OR2T11: variants seen among roughly 807,000 people sequenced by gnomAD.
OR2T11 encodes olfactory receptor 2T11.
In OR2T11, 14 loss-of-function variants were observed where a neutral mutation model predicts 13.5. The observed-to-expected ratio is 1.04, with a 90% CI of 0.69 to 1.62. The LOEUF (loss-of-function observed/expected upper bound fraction) is 1.62, where lower values mean the gene tolerates loss of function less well. Among genes scored for constraint, OR2T11 ranks in the 40% most tolerant of loss-of-function variants. The pLI, the probability that OR2T11 is intolerant of heterozygous loss-of-function variation, is 0.00. For synonymous variants in OR2T11, 163 were observed against 154.6 expected (o/e 1.05, Z -0.40); for missense variants, 410 against 389.7 (o/e 1.05, Z -0.44).
chr1:248,632,515 G>A (rs1232391122), intron 1 of OR2T11, among the ~76,000 whole-genome samples: 2 of 137,492 alleles, frequency 1.5e-5, no homozygotes, highest in South Asian at 2.3e-4. Context: ...GTGGATTGGG[G>A]ACAGTTGAGG....
intron 1 of OR2T11, among the ~76,000 whole-genome samples, chr1:248,629,396 A>G (rs1660572599): frequency 1.1e-5 from 1 of 88,662 alleles, no homozygotes; most frequent in South Asian, 5.3e-4. Context: ...CTGTTTCTAA[A>G]AAAGAAATGA....
At position 248,626,552 on chromosome 1, in the gene OR2T11, C is replaced by T; in HGVS notation, c.577G>A (p.Glu193Lys). The stretch of plus-strand genomic sequence containing the variant: ...ACACAGCAGATGTACATCAGAGTTT[C>T]ATACAAGGACGTGTCTGCACAGGCC... ...KLACADTSLY[E>K]TLMYICCVLM... Residue 193 changes from glutamate to lysine, a missense_variant, in exon 2 of 2, where the codon GAA (glutamate) becomes AAA (lysine). Coordinates refer to ENST00000641193, the MANE Select transcript of OR2T11 (RefSeq NM_001001964.2). 6.4e-7 allele frequency: 1 copy of T among 1,570,200 alleles called. No individual in the cohort carries two copies. Among genetic ancestry groups the T allele is most frequent in the Non-Finnish European group, 8.7e-7 (1 of 1,154,042 alleles).
Position 248,627,100 on chromosome 1 carries a change from G to A in OR2T11, c.29C>T (p.Thr10Ile), listed in dbSNP as rs2103101524. The A allele has an allele frequency of 1.9e-6, 3 of 1,561,512 alleles. 1 individual carries two copies. Among genetic ancestry groups the A allele is most frequent in the Non-Finnish European group, 2.6e-6 (3 of 1,147,628 alleles). Residue 10 changes from threonine to isoleucine, a missense_variant, in exon 2 of 2, where the codon ACC becomes ATC. Coordinates refer to ENST00000641193, the MANE Select transcript of OR2T11 (RefSeq NM_001001964.2). Reference sequence around the variant, plus strand: ...ACTGTTCACCAGAAGCCCCAGGAGGGTGAAGTCAGAGGATGATGTGTTCGT... The same window carrying A: ...ACTGTTCACCAGAAGCCCCAGGAGGATGAAGTCAGAGGATGATGTGTTCGT... MTNTSSSDF[T>I]LLGLLVNSEA...
chr1:248,625,924 T>G lies in OR2T11; in HGVS notation c.*254A>C. 1 of 290,996 alleles carries G rather than the reference T, an allele frequency of 3.4e-6. No homozygotes were observed. The highest frequency in any genetic ancestry group is 6.2e-6 in the Non-Finnish European group (1 of 160,748). The allele number at this position is 290,996 out of a possible 1,614,324, so 18.0% of individuals were successfully genotyped here. A position where few individuals can be genotyped will look rare whatever the true frequency, so the allele number is the denominator to read the frequency against. On this transcript the variant is annotated 3_prime_UTR_variant, in exon 2 of 2. Transcript: ENST00000641193. ...TTGCTGTGAACTCTAATATTTGGGG[T>G]TTTTCTTCCCTAAATAAAAAGACTA...
At chr1:248,634,366 A>T (rs1220051670) in intron 1 of OR2T11, among the ~76,000 whole-genome samples, 1 of 141,538 alleles carries the variant, frequency 7.1e-6, no homozygotes, top group African/African-American at 2.9e-5. Flanking sequence ...TTATATTCTT[A>T]GCTAGTTGTA....
chr1:248,626,537 T>C lies in OR2T11; in HGVS notation c.592A>G (p.Ile198Val). ...ATGAGCAACATGAGGACACAGCAGA[T>C]GTACATCAGAGTTTCATACAAGGAC... ...DTSLYETLMY[I>V]CCVLMLLIPI... is the part of the protein sequence containing the mutation. Residue 198 changes from isoleucine (I) to valine (V), a missense_variant, in exon 2 of 2, where the codon ATC becomes GTC. By Grantham distance (29) the Ile-to-Val change is conservative. Coordinates refer to ENST00000641193, the MANE Select transcript of OR2T11 (RefSeq NM_001001964.2). The C allele has an allele frequency of 6.4e-7, 1 of 1,567,518 alleles. No homozygotes were observed.
At chr1:248,627,298 T>C (rs894742377) in intron 1 of OR2T11, 26 bp from the exon 2 acceptor site, 3 of 558,666 alleles carry the variant, frequency 5.4e-6, no homozygotes, top group African/African-American at 4.3e-5. Flanking sequence ...CAGACCAACA[T>C]GCACATCATG....
At position 248,633,363 on chromosome 1, in the gene OR2T11, C is replaced by T. The variant is rs1372812993; in HGVS notation, c.-145+1675G>A. Among the ~76,000 whole-genome samples the T allele has an allele frequency of 3.5e-5, 5 of 143,402 alleles. 2 individuals are homozygous for T. The highest frequency in any genetic ancestry group is 7.5e-5 in the Non-Finnish European group (5 of 66,344). The allele number at this position is 143,402 out of a possible 152,430, so 94.1% of individuals were successfully genotyped here. A position where few individuals can be genotyped will look rare whatever the true frequency, so the allele number is the denominator to read the frequency against. ...AACCTATATAATCATCTCCTTACAA[C>T]TGTATTCTCTATCTTTGAAATGAAA... On this transcript the variant is annotated intron_variant, in intron 1 of 1. Transcript: ENST00000641193.
At chr1:248,634,771 G>C (rs1165440975) in intron 1 of OR2T11, among the ~76,000 whole-genome samples, 217 of 142,954 alleles carry the variant, frequency 1.5e-3, no homozygotes, top group Middle Eastern at 6.9e-3. Flanking sequence ...TGACAGGGAT[G>C]TTCTGTCACT....
rs776520644 is a variant in OR2T11 at position 248,626,914 on chromosome 1, C to T, written c.215G>A (p.Cys72Tyr). 1.3e-5 allele frequency: 20 copies of T among 1,570,312 alleles called. 3 individuals are homozygous for T. In the South Asian group the frequency reaches 1.9e-4, roughly 15 times the overall value. ...TGCCAGGAGTTTTGGGACAGTGGTA[C>T]AGATGAAAAGGGTGTCCATGATGGA... ...QLSIMDTLFI[C>Y]TTVPKLLADM... Residue 72 changes from cysteine to tyrosine, a missense_variant, in exon 2 of 2, where the codon TGT becomes TAT. Physicochemically the swap from Cys to Tyr is radical, Grantham distance 194 (BLOSUM62 -2). Coordinates refer to ENST00000641193, the MANE Select transcript of OR2T11 (RefSeq NM_001001964.2).
Position 248,627,225 on chromosome 1 carries a change from G to T in OR2T11, c.-97C>A, listed in dbSNP as rs1660539643. The T allele has an allele frequency of 8.4e-6, 6 of 710,480 alleles. No homozygotes were observed. The highest frequency in any genetic ancestry group is 2.3e-6 in the Non-Finnish European group (1 of 428,246). The allele number at this position is 710,480 out of a possible 1,614,324, so 44.0% of individuals were successfully genotyped here. ...CAAGATGGGAAAGGTCTGCAGTAGA[G>T]GTGACACTTCTGAGGGTACCGTCAG... On this transcript the variant is annotated 5_prime_UTR_variant, in exon 2 of 2. Transcript: ENST00000641193.
Position 248,626,689 on chromosome 1 carries a change from A to G in OR2T11, c.440T>C (p.Phe147Ser). The change falls in exon 2 of 2, where the codon TTT becomes TCT. Residue 147 changes from phenylalanine (F) to serine (S), a missense_variant. Coordinates refer to ENST00000641193, the MANE Select transcript of OR2T11 (RefSeq NM_001001964.2). ...CAGAAAGCCATCGAGGGAGCCCCCA[A>G]ACCAGGCACCAGCAGCCAGCAAAAG... ...KCLLLAAGAWFGGSLDGFLLT... is the reference protein window; with the variant it reads ...KCLLLAAGAWSGGSLDGFLLT... The G allele has an allele frequency of 1.9e-6, 3 of 1,573,346 alleles. No homozygotes were observed. The highest frequency in any genetic ancestry group is 1.7e-4 in the Middle Eastern group (1 of 5,976).
rs1234381171 is a variant in OR2T11 at position 248,634,967 on chromosome 1, AT to A, written c.-145+70del. The A allele has an allele frequency of 2.9e-5, 4 of 138,924 alleles. 1 individual carries two copies. Among genetic ancestry groups the A allele is most frequent in the Admixed American group, 7.2e-5 (1 of 13,880 alleles). 8.6% of individuals were successfully genotyped at this position (138,924 alleles called of 1,614,324 possible). A position where few individuals can be genotyped will look rare whatever the true frequency, so the allele number is the denominator to read the frequency against. On this transcript the variant is annotated intron_variant, in intron 1 of 1. Transcript: ENST00000641193. ...ATGCTTTCTTCTATTACAATTTTAT[AT>A]TGCATATAGATGTTTATTGTATAAA...
chr1:248,630,064 C>A (rs1436727100), intron 1 of OR2T11, among the ~76,000 whole-genome samples: 1 of 141,326 alleles, frequency 7.1e-6, no homozygotes, highest in African/African-American at 2.8e-5. Context: ...CATTGTAAAT[C>A]TTTGAATAAA....
rs1313314008 is a variant in OR2T11 at position 248,630,181 on chromosome 1, GAA to G, written c.-144-2911_-144-2910del. Among the ~76,000 whole-genome samples the G allele has an allele frequency of 1.4e-5, 2 of 142,576 alleles. 1 individual carries two copies. The highest frequency in any genetic ancestry group is 4.0e-4 in the East Asian group (2 of 4,974). The allele number at this position is 142,576 out of a possible 152,430, so 93.5% of individuals were successfully genotyped here. ...ACCTCCTGATTTTATATAATGTGCT[GAA>G]GAGAAATAATTTTTTTTAATGCTAG... On this transcript the variant is annotated intron_variant, in intron 1 of 1. Coordinates refer to ENST00000641193, the MANE Select transcript of OR2T11 (RefSeq NM_001001964.2).
rs778972316 is a variant in OR2T11 at position 248,629,700 on chromosome 1, G to C, written c.-144-2428C>G. 3.0e-4 allele frequency among the ~76,000 whole-genome samples: 42 copies of C among 140,140 alleles called. 3 individuals carry two copies. The highest frequency in any genetic ancestry group is 1.2e-4 in the Non-Finnish European group (8 of 65,520). The allele number at this position is 140,140 out of a possible 152,430, so 91.9% of individuals were successfully genotyped here. ...TTCTGAACATTTTGTCTTCTGAAAT[G>C]ATCTCCCGCCGACTCCAGTCTGTCT... is the stretch of plus-strand genomic sequence containing the variant. On this transcript the variant is annotated intron_variant, in intron 1 of 1. Transcript: ENST00000641193.
rs774524168 is a variant in OR2T11, at chr1:248,626,135, G to A, written c.*43C>T. The A allele has an allele frequency of 2.3e-5, 25 of 1,100,156 alleles. 4 individuals are homozygous for A. In the East Asian group the frequency reaches 3.4e-4, roughly 15 times the overall value. The allele number at this position is 1,100,156 out of a possible 1,614,324, so 68.1% of individuals were successfully genotyped here. On this transcript the variant is annotated 3_prime_UTR_variant, in exon 2 of 2. Transcript: ENST00000641193. The stretch of plus-strand genomic sequence containing the variant: ...TCATCTCCAGGGAAACAGGGCAAAT[G>A]GAGGAAGTCCTTAGGAAGCCTTATC...
At position 248,625,988 on chromosome 1, in the gene OR2T11, C is replaced by A; in HGVS notation, c.*190G>T. 1 of 440,514 alleles carries A rather than the reference C, an allele frequency of 2.3e-6. No homozygotes were observed. The highest frequency in any genetic ancestry group is 3.8e-5 in the Admixed American group (1 of 26,532). 27.3% of individuals were successfully genotyped at this position (440,514 alleles called of 1,614,324 possible). A position where few individuals can be genotyped will look rare whatever the true frequency, so the allele number is the denominator to read the frequency against. On this transcript the variant is annotated 3_prime_UTR_variant, in exon 2 of 2. Coordinates refer to ENST00000641193, the MANE Select transcript of OR2T11 (RefSeq NM_001001964.2). ...ACTTCATAATAAACCATTTTTGATA[C>A]TTCACTGAAAGATCTCTGCATAACA...
At chr1:248,632,642 G>A (rs1660630066) in intron 1 of OR2T11, among the ~76,000 whole-genome samples, 3 of 110,060 alleles carry the variant, frequency 2.7e-5, no homozygotes, top group East Asian at 2.5e-4. Context: ...CCAATCAAGC[G>A]GTCTTTTCAG....
Sources: allele counts gnomAD v4.1 joint callset (sites outside exome capture counted in the v4.1 genomes callset), GRCh38; gene constraint gnomAD v4.1.1; transcripts MANE v1.5; gene names NCBI Gene and HGNC (gene_info 2026-07-23, HGNC 2026-07-21).